NEDD4L: variants seen among roughly 807,000 people sequenced by gnomAD.
NEDD4L encodes E3 ubiquitin-protein ligase NEDD4-like.
Under a neutral mutation model 148.9 loss-of-function variants are expected in NEDD4L, and 54 were observed. The observed-to-expected ratio is 0.36, with a 90% CI of 0.29 to 0.45. The LOEUF (loss-of-function observed/expected upper bound fraction) is 0.45, where lower values mean the gene tolerates loss of function less well. NEDD4L is among the 20% of genes least tolerant of loss of function. The pLI, the probability that NEDD4L is intolerant of heterozygous loss-of-function variation, is 1.00. For synonymous variants in NEDD4L, 433 were observed against 440.7 expected, an observed-to-expected ratio of 0.98 and a Z score of 0.22; for missense variants, 856 against 1,233.8, an observed-to-expected ratio of 0.69 and a Z score of 4.59.
At chr18:58,153,795 C>T (rs907943971) in intron 1 of NEDD4L, among the ~76,000 whole-genome samples, 2 of 151,834 alleles carry the variant, frequency 1.3e-5, no homozygotes, top group Non-Finnish European at 2.9e-5. Context: ...TACAGGCGCC[C>T]GCCACCACGC....
At chr18:58,376,730 C>T (rs2047607852) in intron 24 of NEDD4L, among the ~76,000 whole-genome samples, 1 of 152,212 alleles carries the variant, frequency 6.6e-6, no homozygotes, top group African/African-American at 2.4e-5. Context: ...ATTCCTCTGC[C>T]AGAAACCTTC....
At chr18:58,069,574 G>A (rs1202516946) in intron 1 of NEDD4L, among the ~76,000 whole-genome samples, 1 of 152,198 alleles carries the variant, frequency 6.6e-6, no homozygotes, top group Non-Finnish European at 1.5e-5. Context: ...TAAAAAAGCA[G>A]CAGTCTCTCA....
At chr18:58,301,465 A>T (rs2056449247) in intron 5 of NEDD4L, among the ~76,000 whole-genome samples, 1 of 152,140 alleles carries the variant, frequency 6.6e-6, no homozygotes, top group Non-Finnish European at 1.5e-5. Flanking sequence ...CTTTCCAGGG[A>T]GGTACCCTGT....
chr18:58,282,557 G>A (rs372105862), intron 5 of NEDD4L, among the ~76,000 whole-genome samples: 3 of 152,190 alleles, frequency 2.0e-5, no homozygotes, highest in East Asian at 1.9e-4. Flanking sequence ...GTAAATGAAC[G>A]AATGAATTTT....
At chr18:58,066,660 G>A (rs1482504396) in intron 1 of NEDD4L, among the ~76,000 whole-genome samples, 2 of 152,054 alleles carry the variant, frequency 1.3e-5, no homozygotes, top group African/African-American at 4.8e-5. Context: ...ATGAGACTGC[G>A]TAATTTATAA....
intron 1 of NEDD4L, among the ~76,000 whole-genome samples, chr18:58,077,892 C>A (rs924145266): frequency 1.3e-5 from 2 of 152,062 alleles, no homozygotes; most frequent in Non-Finnish European, 2.9e-5. Context: ...GTTATCACAC[C>A]AGGGGGCATC....
intron 6 of NEDD4L, among the ~76,000 whole-genome samples, chr18:58,318,170 A>G (rs1050281632): frequency 6.6e-6 from 1 of 152,152 alleles, no homozygotes; most frequent in African/African-American, 2.4e-5. Context: ...CGAATTATGG[A>G]TGCTGTGTTC....
intron 1 of NEDD4L, among the ~76,000 whole-genome samples, chr18:58,077,403 G>A (rs2083229642): frequency 6.6e-6 from 1 of 152,016 alleles, no homozygotes; most frequent in South Asian, 2.1e-4. Flanking sequence ...CTGAGTTCAA[G>A]CAATCTACCC....
rs1602118691 is a variant in NEDD4L, at chr18:58,397,255, T to C, written c.*986T>C. ...AGATCTGTTTAGTCTCCTGTTTGTA[T>C]GCGTTTGCTAATGGTAGCTAAATAA... On this transcript the variant is annotated 3_prime_UTR_variant, in exon 31 of 31. Transcript: ENST00000400345. 1 of 152,688 alleles carries C rather than the reference T, an allele frequency of 6.5e-6. No individual in the cohort carries two copies. Among genetic ancestry groups the C allele is most frequent in the East Asian group, 1.9e-4 (1 of 5,202 alleles). 9.5% of individuals were successfully genotyped at this position (152,688 alleles called of 1,614,324 possible). A position where few individuals can be genotyped will look rare whatever the true frequency, so the allele number is the denominator to read the frequency against.
intron 24 of NEDD4L, among the ~76,000 whole-genome samples, chr18:58,375,500 C>T (rs141169121): frequency 1.3e-5 from 2 of 152,322 alleles, no homozygotes; most frequent in East Asian, 3.9e-4. Context: ...CTACCCCCCT[C>T]TGGCATTACC....
chr18:58,057,514 C>T (rs1458937427), intron 1 of NEDD4L, among the ~76,000 whole-genome samples: 1 of 152,192 alleles, frequency 6.6e-6, no homozygotes, highest in Non-Finnish European at 1.5e-5. Flanking sequence ...TCCTCTGCAG[C>T]TGCACCTGGA....
chr18:58,347,832 G>A (rs2043293840), intron 16 of NEDD4L, among the ~76,000 whole-genome samples: 1 of 152,212 alleles, frequency 6.6e-6, no homozygotes, highest in Admixed American at 6.5e-5. Flanking sequence ...TGACTTACAC[G>A]GTTGACTTGG....
chr18:58,167,981 T>C (rs1193099040), intron 2 of NEDD4L, among the ~76,000 whole-genome samples: 1 of 152,222 alleles, frequency 6.6e-6, no homozygotes, highest in Non-Finnish European at 1.5e-5. Context: ...TAAGGTTGAA[T>C]TTGTAGTGGA....
At chr18:58,119,900 G>C (rs1033247931) in intron 1 of NEDD4L, among the ~76,000 whole-genome samples, 5 of 152,204 alleles carry the variant, frequency 3.3e-5, no homozygotes, top group Non-Finnish European at 5.9e-5. Context: ...AGCAGCCAGG[G>C]TCAAGCACCA....
intron 19 of NEDD4L, 28 bp downstream of exon 19, chr18:58,357,280 A>G: frequency 1.9e-6 from 3 of 1,597,382 alleles, no homozygotes; most frequent in Non-Finnish European, 2.6e-6. Flanking sequence ...CTGCCTCTTC[A>G]GTATAAGATT....
intron 24 of NEDD4L, among the ~76,000 whole-genome samples, chr18:58,380,159 A>T (rs973821211): frequency 2.0e-5 from 3 of 151,922 alleles, no homozygotes; most frequent in Admixed American, 6.5e-5. Flanking sequence ...AATAAATGTC[A>T]CTTATTCCCA....
chr18:58,141,726 C>G (rs561343579), intron 1 of NEDD4L, among the ~76,000 whole-genome samples: 3 of 152,072 alleles, frequency 2.0e-5, no homozygotes, highest in Non-Finnish European at 4.4e-5. Flanking sequence ...TATGTGCATG[C>G]GTCTCATTTA....
chr18:58,155,244 A>G (rs2146385759), intron 1 of NEDD4L, among the ~76,000 whole-genome samples: 1 of 149,246 alleles, frequency 6.7e-6, no homozygotes, highest in African/African-American at 2.5e-5. Context: ...CCACCCACAT[A>G]GTAATTGCGA....
At chr18:58,138,495 G>A (rs926747446) in intron 1 of NEDD4L, among the ~76,000 whole-genome samples, 2 of 151,914 alleles carry the variant, frequency 1.3e-5, no homozygotes, top group Admixed American at 6.6e-5. Flanking sequence ...GATACATTAC[G>A]AAGTAATGTG....
Sources: gnomAD v4.1 joint callset for allele counts (sites outside exome capture counted in the v4.1 genomes callset) on GRCh38, gnomAD v4.1.1 for gene constraint, MANE v1.5 for transcripts, NCBI Gene and HGNC (gene_info 2026-07-23, HGNC 2026-07-21) for gene names.